SHOC2: variants seen among roughly 807,000 people sequenced by gnomAD.
SHOC2 encodes the protein leucine-rich repeat protein SHOC-2.
In SHOC2, 4 loss-of-function variants were observed where a neutral mutation model predicts 50.2. The ratio of observed to expected loss-of-function variants is 0.08; its 90% CI spans 0.04 to 0.18. The LOEUF (loss-of-function observed/expected upper bound fraction) is 0.18. SHOC2 is among the 10% of genes least tolerant of loss of function. The pLI is 1.00. For missense variants in SHOC2, 388 were observed against 669.6 expected, an observed-to-expected ratio of 0.58 and a Z score of 4.64; for synonymous variants, 218 against 244.5, an observed-to-expected ratio of 0.89 and a Z score of 1.01.
At chr10:110,955,271 C>T (rs544002726) in intron 1 of SHOC2, among the ~76,000 whole-genome samples, 26 of 152,154 alleles carry the variant, frequency 1.7e-4, no homozygotes, top group Middle Eastern at 3.4e-3. Flanking sequence ...GGAGAGTAGA[C>T]GATTTGTGAT....
chr10:110,963,025 A>G (rs1024856715), intron 1 of SHOC2, among the ~76,000 whole-genome samples: 3 of 152,194 alleles, frequency 2.0e-5, no homozygotes, highest in Non-Finnish European at 4.4e-5. Context: ...AGCACTTAAC[A>G]TTATCACATC....
intron 2 of SHOC2, among the ~76,000 whole-genome samples, chr10:110,981,843 CTTAT>C (rs1554859788): frequency 7.9e-6 from 1 of 125,858 alleles, no homozygotes; most frequent in African/African-American, 3.3e-5. Context: ...ATTCAGTTTT[CTTAT>C]TTATTTATTT....
intron 3 of SHOC2, among the ~76,000 whole-genome samples, chr10:110,992,886 G>T (rs957477672): frequency 6.6e-6 from 1 of 152,060 alleles, no homozygotes; most frequent in African/African-American, 2.4e-5. Flanking sequence ...TTCCAACCCT[G>T]AGTCTTTCCT....
chr10:110,957,265 T>TG (rs1378544419), intron 1 of SHOC2, among the ~76,000 whole-genome samples: 1 of 152,204 alleles, frequency 6.6e-6, no homozygotes, highest in African/African-American at 2.4e-5. Flanking sequence ...GTATTCTAGT[T>TG]TCAGCAACTC....
chr10:110,933,182 A>G (rs1006767430), intron 1 of SHOC2, among the ~76,000 whole-genome samples: 15 of 152,124 alleles, frequency 9.9e-5, no homozygotes, highest in African/African-American at 3.6e-4. Context: ...CATCACTATC[A>G]GTGTTACATA....
chr10:110,964,558 C>T lies in SHOC2; in HGVS notation c.200C>T (p.Ser67Leu). Residue 67 changes from serine to leucine, a missense_variant, in exon 2 of 9, where the codon TCA becomes TTA. This residue lies in a region of SHOC2 where 121 missense variants were observed against 145.5 expected (regional missense o/e 0.83). Transcript: ENST00000369452. This position sits in a 1 kb window ranked among gnomAD's most constrained non-coding sequence, Gnocchi z 4.9. The part of the protein sequence containing the change: ...SSAAQPGVAF[S>L]VDNTIKRPNP... Reference sequence around the variant, plus strand: ...GCTGCCCAACCAGGGGTGGCATTTTCAGTTGACAATACGATCAAACGGCCA... The same window carrying T: ...GCTGCCCAACCAGGGGTGGCATTTTTAGTTGACAATACGATCAAACGGCCA... 1 of 1,614,044 alleles carries T rather than the reference C, an allele frequency of 6.2e-7. No individual in the cohort carries two copies. The highest frequency in any genetic ancestry group is 8.5e-7 in the Non-Finnish European group (1 of 1,179,996).
intron 3 of SHOC2, among the ~76,000 whole-genome samples, chr10:110,989,894 A>G (rs1848148977): frequency 6.6e-6 from 1 of 152,160 alleles, no homozygotes. Flanking sequence ...AGTGTTCAGT[A>G]TAGTAAATAT....
At chr10:110,944,740 T>C (rs1335521567) in intron 1 of SHOC2, among the ~76,000 whole-genome samples, 1 of 152,254 alleles carries the variant, frequency 6.6e-6, no homozygotes, top group African/African-American at 2.4e-5. Context: ...GCAAACTCTA[T>C]TTGATGTGTG....
intron 3 of SHOC2, 86 bp downstream of exon 3, chr10:110,985,851 A>T: frequency 8.6e-7 from 1 of 1,157,566 alleles, no homozygotes; most frequent in Non-Finnish European, 1.3e-6. Flanking sequence ...TGGTAATGAA[A>T]ATTCAGGAGT....
chr10:111,006,686 C>G (rs1325389788), intron 5 of SHOC2, among the ~76,000 whole-genome samples: 1 of 152,158 alleles, frequency 6.6e-6, no homozygotes, highest in Non-Finnish European at 1.5e-5. Context: ...TTTAAAGATA[C>G]AGATTAACAT....
intron 2 of SHOC2, among the ~76,000 whole-genome samples, chr10:110,972,255 TA>T (rs1847797564): frequency 6.6e-6 from 1 of 152,042 alleles, no homozygotes; most frequent in Admixed American, 6.5e-5. Context: ...CAGTATTAAC[TA>T]AAATTGTAAC....
chr10:110,987,022 G>A (rs961804198), intron 3 of SHOC2, among the ~76,000 whole-genome samples: 5 of 152,086 alleles, frequency 3.3e-5, no homozygotes, highest in Non-Finnish European at 7.3e-5. Flanking sequence ...AGCTCTAGAG[G>A]GTCCCAGTTG....
chr10:110,936,714 GCT>G (rs767326047), intron 1 of SHOC2: 14 of 926,470 alleles, frequency 1.5e-5, no homozygotes, highest in Non-Finnish European at 2.4e-5. Flanking sequence ...AGGCTTATGA[GCT>G]CTTTCTTCTT....
In SHOC2 at chr10:110,985,570, A is replaced by G. The variant is rs868193087; in HGVS notation, c.704-58A>G. 315 of 1,263,088 alleles carry G rather than the reference A, an allele frequency of 2.5e-4. 5 individuals carry two copies. In the Middle Eastern group the frequency reaches 5.9e-3, roughly 24 times the overall value. 78.2% of individuals were successfully genotyped at this position (1,263,088 alleles called of 1,614,324 possible). A position where few individuals can be genotyped will look rare whatever the true frequency, so the allele number is the denominator to read the frequency against. On this transcript the variant is annotated intron_variant, in intron 2 of 8. Coordinates refer to ENST00000369452, the MANE Select transcript of SHOC2 (RefSeq NM_007373.4). Reference sequence around the variant, plus strand: ...TAGATTTATTTTCTTGCTTAGAAGTATTATCTAGTATGTTCTTTAATAATG... The same window carrying G: ...TAGATTTATTTTCTTGCTTAGAAGTGTTATCTAGTATGTTCTTTAATAATG...
chr10:110,940,643 CT>C (rs1163904780), intron 1 of SHOC2, among the ~76,000 whole-genome samples: 3 of 152,030 alleles, frequency 2.0e-5, no homozygotes, highest in Admixed American at 6.6e-5. Flanking sequence ...TTTACTGATT[CT>C]GTTTATTGTC....
chr10:111,000,329 G>C, intron 3 of SHOC2, 86 bp from the exon 4 acceptor site: 3 of 1,358,866 alleles, frequency 2.2e-6, no homozygotes, highest in Non-Finnish European at 3.1e-6. Flanking sequence ...GAAGTAATTT[G>C]TAAATAGTTA....
intron 1 of SHOC2, among the ~76,000 whole-genome samples, chr10:110,952,615 T>TATACATGTGC (rs1441352739): frequency 1.3e-5 from 2 of 152,228 alleles, no homozygotes; most frequent in Middle Eastern, 3.4e-3. Context: ...GTTACATGGG[T>TATACATGTGC]ATACATGTGC....
At chr10:110,946,988 A>C (rs914292910) in intron 1 of SHOC2, among the ~76,000 whole-genome samples, 2 of 152,216 alleles carry the variant, frequency 1.3e-5, no homozygotes, top group African/African-American at 4.8e-5. Flanking sequence ...ATACCTTCAC[A>C]AGAGCTAAGG....
intron 1 of SHOC2, among the ~76,000 whole-genome samples, chr10:110,939,732 AAGT>A (rs1847099504): frequency 6.6e-6 from 1 of 152,160 alleles, no homozygotes; most frequent in South Asian, 2.1e-4. Flanking sequence ...GCAAGAGAAA[AAGT>A]AGTTTTAAAA....
Sources: gnomAD v4.1 joint callset for allele counts (sites outside exome capture counted in the v4.1 genomes callset) on GRCh38, gnomAD v4.1.1 for gene constraint, gnomAD v4.1.1 regional missense constraint, Gnocchi (gnomAD v3.1) non-coding constraint, MANE v1.5 for transcripts, NCBI Gene and HGNC (gene_info 2026-07-23, HGNC 2026-07-21) for gene names.